PTPRD: variants seen among roughly 807,000 people sequenced by gnomAD.
PTPRD encodes receptor-type tyrosine-protein phosphatase delta.
In PTPRD, 34 loss-of-function variants were observed where a neutral mutation model predicts 214.5. That is an observed-to-expected ratio of 0.16 (90% CI 0.12 to 0.21). The LOEUF is 0.21. Among genes scored for constraint, PTPRD ranks in the 10% least tolerant of loss-of-function variants. The pLI, the probability that PTPRD is intolerant of heterozygous loss-of-function variation, is 1.00. For synonymous variants in PTPRD, 1,128 were observed against 845.7 expected (o/e 1.33, Z -5.79); for missense variants, 2,545 against 2,398.7 (o/e 1.06, Z -1.27).
Position 8,389,272 on chromosome 9 carries a change from G to A in PTPRD, c.4346C>T (p.Ala1449Val), listed in dbSNP as rs2088530717. ...TAGTTTTGTCATCATGACAACTGTG[G>A]CACTCCGTTGTTCCCATATCATTCT... ...FWRMIWEQRS[A>V]TVVMMTKLEE... is the part of the protein sequence containing the mutation. Residue 1449 changes from alanine to valine, a missense_variant, in exon 37 of 46, where the codon GCC (alanine) becomes GTC (valine). By Grantham distance (64) the Ala-to-Val change is moderately conservative. Coordinates refer to ENST00000381196, the MANE Select transcript of PTPRD (RefSeq NM_002839.4). The A allele has an allele frequency of 6.2e-7, 1 of 1,611,684 alleles. No individual in the cohort carries two copies. Among genetic ancestry groups the A allele is most frequent in the African/African-American group, 1.3e-5 (1 of 74,708 alleles).
intron 8 of PTPRD, among the ~76,000 whole-genome samples, chr9:9,485,757 C>T (rs1424600836): frequency 6.6e-6 from 1 of 152,174 alleles, no homozygotes; most frequent in Non-Finnish European, 1.5e-5. Context: ...TGATCCCTAA[C>T]TGTCCCTCTC....
At chr9:10,370,438 T>C (rs1377192421) in intron 2 of PTPRD, among the ~76,000 whole-genome samples, 2 of 152,088 alleles carry the variant, frequency 1.3e-5, no homozygotes, top group East Asian at 3.9e-4. Context: ...AAGAATTCTC[T>C]GACATAGTAC....
rs957691546 is a variant in PTPRD, at chr9:9,901,509, T to C, written c.-368+36998A>G. Among the ~76,000 whole-genome samples the C allele has an allele frequency of 2.6e-4, 40 of 152,100 alleles. 1 individual carries two copies. The highest frequency in any genetic ancestry group is 9.4e-4 in the African/African-American group (39 of 41,542). On this transcript the variant is annotated intron_variant, in intron 5 of 45. Transcript: ENST00000381196. ...TCTGATAAATAAAATATATTAAATATCTAAGAATTAACAGTTGCTGGGGAA... is the reference window on the plus strand; with the variant it reads ...TCTGATAAATAAAATATATTAAATACCTAAGAATTAACAGTTGCTGGGGAA...
intron 5 of PTPRD, among the ~76,000 whole-genome samples, chr9:9,885,278 A>T (rs1302685935): frequency 1.3e-5 from 2 of 152,100 alleles, no homozygotes; most frequent in Non-Finnish European, 2.9e-5. Context: ...TCCTTTCAAC[A>T]AGCAAAAGTT....
At chr9:9,921,118 G>A (rs57142535) in intron 5 of PTPRD, among the ~76,000 whole-genome samples, 14,236 of 152,010 alleles carry the variant, frequency 0.094, 1,374 homozygotes, top group East Asian at 0.28. Context: ...TTGATGGCCT[G>A]CTTCTGCACC....
intron 32 of PTPRD, 118 bp downstream of exon 32, chr9:8,465,348 A>G: frequency 1.1e-6 from 1 of 900,824 alleles, no homozygotes; most frequent in Non-Finnish European, 1.7e-6. Flanking sequence ...TATTACACTT[A>G]ATAACAGTTC....
intron 4 of PTPRD, among the ~76,000 whole-genome samples, chr9:9,988,708 C>G (rs1461067758): frequency 1.9e-4 from 29 of 151,752 alleles, no homozygotes. Flanking sequence ...TGTTACATAT[C>G]TAGGTATAGT....
intron 2 of PTPRD, among the ~76,000 whole-genome samples, chr9:10,518,658 A>C (rs975281804): frequency 6.6e-6 from 1 of 151,612 alleles, no homozygotes; most frequent in Admixed American, 6.6e-5. Flanking sequence ...TCAGCCTCCC[A>C]AGTAGCTGGG....
chr9:10,506,895 G>A (rs1268919200), intron 2 of PTPRD, among the ~76,000 whole-genome samples: 1 of 152,036 alleles, frequency 6.6e-6, no homozygotes, highest in Non-Finnish European at 1.5e-5. Context: ...CCTTCTCTGT[G>A]CATTAAATTG....
At chr9:10,276,221 C>T (rs2154386125) in intron 3 of PTPRD, among the ~76,000 whole-genome samples, 1 of 152,282 alleles carries the variant, frequency 6.6e-6, no homozygotes, top group African/African-American at 2.4e-5. Flanking sequence ...TTAATCCAGC[C>T]ATTGCTTTCA....
intron 2 of PTPRD, among the ~76,000 whole-genome samples, chr9:10,347,337 G>A (rs58155749): frequency 0.13 from 19,600 of 151,284 alleles, 1,325 homozygotes; most frequent in Non-Finnish European, 0.15. Context: ...TCAGGTATAT[G>A]TGATAATTTA....
chr9:10,485,088 T>C (rs1433898691), intron 2 of PTPRD, among the ~76,000 whole-genome samples: 1 of 152,046 alleles, frequency 6.6e-6, no homozygotes, highest in Non-Finnish European at 1.5e-5. Flanking sequence ...CATATAGATA[T>C]CCAGTTTTTC....
At chr9:9,641,985 A>C (rs2095975758) in intron 7 of PTPRD, among the ~76,000 whole-genome samples, 1 of 151,832 alleles carries the variant, frequency 6.6e-6, no homozygotes, top group African/African-American at 2.4e-5. Context: ...TTGCGGCATT[A>C]TTCACAATAG....
chr9:8,837,529 G>A (rs1207467954), intron 11 of PTPRD, among the ~76,000 whole-genome samples: 1 of 146,734 alleles, frequency 6.8e-6, no homozygotes, highest in Admixed American at 6.7e-5. Flanking sequence ...TTGAGAAGAG[G>A]TCTCACTCTG....
At chr9:8,419,608 G>A (rs561220312) in intron 35 of PTPRD, among the ~76,000 whole-genome samples, 87 of 151,528 alleles carry the variant, frequency 5.7e-4, no homozygotes, top group African/African-American at 2.1e-3. Context: ...AATAAGGGAA[G>A]AAAAGAAAAA....
chr9:8,870,722 A>ACACACACG (rs1473786742), intron 11 of PTPRD, among the ~76,000 whole-genome samples: 3 of 151,380 alleles, frequency 2.0e-5, no homozygotes, highest in East Asian at 3.9e-4. Context: ...ACACACACAC[A>ACACACACG]CACACACGGG....
At chr9:10,375,590 C>A (rs2097712268) in intron 2 of PTPRD, among the ~76,000 whole-genome samples, 1 of 151,940 alleles carries the variant, frequency 6.6e-6, no homozygotes, top group South Asian at 2.1e-4. Context: ...TTGGAAATAA[C>A]AAAAAGAATA....
chr9:10,530,981 G>C (rs1470366378), intron 2 of PTPRD, among the ~76,000 whole-genome samples: 2 of 150,560 alleles, frequency 1.3e-5, no homozygotes, highest in Non-Finnish European at 3.0e-5. Context: ...ACAGATTCTT[G>C]CTCTGTCAGC....
At chr9:10,420,006 A>T (rs920623436) in intron 2 of PTPRD, among the ~76,000 whole-genome samples, 1 of 151,852 alleles carries the variant, frequency 6.6e-6, no homozygotes, top group South Asian at 2.1e-4. Flanking sequence ...GGAAAAAAAT[A>T]TATAAAATAC....
Sources: gnomAD v4.1 joint callset for allele counts (sites outside exome capture counted in the v4.1 genomes callset) on GRCh38, gnomAD v4.1.1 for gene constraint, MANE v1.5 for transcripts, NCBI Gene and HGNC (gene_info 2026-07-23, HGNC 2026-07-21) for gene names.